RWDD2B: variants seen among roughly 807,000 people sequenced by gnomAD.
RWDD2B encodes RWD domain-containing protein 2B.
RWDD2B carries 36 observed loss-of-function variants against 33.6 expected under a neutral mutation model. The ratio of observed to expected loss-of-function variants is 1.07; its 90% CI spans 0.82 to 1.42. The LOEUF (loss-of-function observed/expected upper bound fraction) is 1.42, where lower values mean the gene tolerates loss of function less well. Ranked by LOEUF, RWDD2B falls within the 40% of genes most tolerant of loss-of-function variation. The pLI is 0.00. For missense variants in RWDD2B, 364 were observed against 377.5 expected (o/e 0.96, Z 0.30); for synonymous variants, 126 against 133.1 (o/e 0.95, Z 0.37).
rs2084842188 is a variant in RWDD2B at position 29,008,659 on chromosome 21, C to A, written c.68-38G>T. ...AGATAAGAGAGACAATTTACATATGCAATCTTGGAAGAAATGAATACATCA... is the reference window on the plus strand; with the variant it reads ...AGATAAGAGAGACAATTTACATATGAAATCTTGGAAGAAATGAATACATCA... On this transcript the variant is annotated intron_variant, in intron 1 of 4. Coordinates refer to ENST00000493196, the MANE Select transcript of RWDD2B (RefSeq NM_016940.3). 3.6e-6 allele frequency: 5 copies of A among 1,390,054 alleles called. No individual in the cohort carries two copies. In the African/African-American group the frequency reaches 5.7e-5, roughly 16 times the overall value. 86.1% of individuals were successfully genotyped at this position (1,390,054 alleles called of 1,614,324 possible). A position where few individuals can be genotyped will look rare whatever the true frequency, so the allele number is the denominator to read the frequency against.
At position 29,006,535 on chromosome 21, in the gene RWDD2B, A is replaced by G; in HGVS notation, c.842T>C (p.Val281Ala). 3 of 1,613,668 alleles carry G rather than the reference A, an allele frequency of 1.9e-6. No individual in the cohort carries two copies. The highest frequency in any genetic ancestry group is 1.7e-6 in the Non-Finnish European group (2 of 1,179,672). Residue 281 changes from valine (V) to alanine (A), a missense_variant, in exon 5 of 5, where the codon GTG becomes GCG. Coordinates refer to ENST00000493196, the MANE Select transcript of RWDD2B (RefSeq NM_016940.3). ...TCCCCTGGCTCCATTAACACTGAAC[A>G]CTTTTTCTTCAAAAATGGAAAATTT... ...QRKFSIFEEKVFSVNGARGNH... is the reference protein window; with the variant it reads ...QRKFSIFEEKAFSVNGARGNH...
In RWDD2B at chr21:29,007,795, C is replaced by CT; in HGVS notation, c.690dup (p.Gly231ArgfsTer7). Reference sequence around the variant, plus strand: ...AATTCTTCACAGGCACTTTGTGGGCCTTCCACACAAACAACACCAGGTTTT... The same window carrying CT: ...AATTCTTCACAGGCACTTTGTGGGCCTTTCCACACAAACAACACCAGGTTTT... On this transcript the variant is annotated frameshift_variant, in exon 4 of 5. Coordinates refer to ENST00000493196, the MANE Select transcript of RWDD2B (RefSeq NM_016940.3). LOFTEE classifies it high-confidence loss of function. 1 of 1,614,120 alleles carries CT rather than the reference C, an allele frequency of 6.2e-7. No homozygotes were observed. Among genetic ancestry groups the CT allele is most frequent in the Non-Finnish European group, 8.5e-7 (1 of 1,179,996 alleles).
At chr21:29,014,070 T>C (rs901870974) in intron 1 of RWDD2B, among the ~76,000 whole-genome samples, 3 of 152,218 alleles carry the variant, frequency 2.0e-5, no homozygotes, top group African/African-American at 7.2e-5. Flanking sequence ...TAGTTTACGA[T>C]GAAGAGAAAT....
intron 1 of RWDD2B, among the ~76,000 whole-genome samples, chr21:29,011,008 C>T (rs1186651021): frequency 6.6e-6 from 1 of 152,120 alleles, no homozygotes; most frequent in Non-Finnish European, 1.5e-5. Flanking sequence ...GGCGTGATCT[C>T]GGCTCGCTAC....
chr21:29,009,547 A>C (rs2084846641), intron 1 of RWDD2B: 1 of 151,924 alleles, frequency 6.6e-6, no homozygotes, highest in Admixed American at 6.6e-5. Flanking sequence ...GGCGCCCAAC[A>C]CCACACCCGG....
Position 29,008,129 on chromosome 21 carries a change from A to G in RWDD2B, c.363-6T>C. The G allele has an allele frequency of 6.2e-7, 1 of 1,611,054 alleles. No homozygotes were observed. The highest frequency in any genetic ancestry group is 8.5e-7 in the Non-Finnish European group (1 of 1,178,572). On this transcript the variant is annotated splice_polypyrimidine_tract_variant and splice_region_variant and intron_variant, in intron 3 of 4. Transcript: ENST00000493196. ...ATCTACTCAATAATACTGATCTAAT[A>G]GAAAAGATACAAGAAAAATATTGTC...
chr21:29,016,774 G>A (rs1012210052), intron 1 of RWDD2B, among the ~76,000 whole-genome samples: 1 of 152,032 alleles, frequency 6.6e-6, no homozygotes, highest in Admixed American at 6.6e-5. Context: ...GCCAAGGTGC[G>A]ACTCCTGGCT....
rs527534167 is a variant in RWDD2B at position 29,005,491 on chromosome 21, C to T, written c.*926G>A. ...GTGGCTTATGCCTGTAATCCAAGCA[C>T]ATTGGGAAGCCGAGGTGGGAGGATC... On this transcript the variant is annotated 3_prime_UTR_variant, in exon 5 of 5. Transcript: ENST00000493196. 2 of 152,304 alleles carry T rather than the reference C, an allele frequency of 1.3e-5. No homozygotes were observed. The highest frequency in any genetic ancestry group is 4.8e-5 in the African/African-American group (2 of 41,546). 9.4% of individuals were successfully genotyped at this position (152,304 alleles called of 1,614,324 possible).
intron 1 of RWDD2B, among the ~76,000 whole-genome samples, chr21:29,013,287 CTCT>C: frequency 6.6e-6 from 1 of 152,280 alleles, no homozygotes; most frequent in South Asian, 2.1e-4. Context: ...ATAGCCATCA[CTCT>C]TCTTTTCTAG....
At chr21:29,013,969 C>T (rs868219005) in intron 1 of RWDD2B, among the ~76,000 whole-genome samples, 45 of 152,234 alleles carry the variant, frequency 3.0e-4, no homozygotes, top group African/African-American at 1.1e-3. Context: ...TCTCGAGCCC[C>T]ATATTTGTAA....
chr21:29,007,381 T>A (rs959499182), intron 4 of RWDD2B, among the ~76,000 whole-genome samples: 1 of 152,220 alleles, frequency 6.6e-6, no homozygotes, highest in Non-Finnish European at 1.5e-5. Context: ...GACATACTTA[T>A]CTCCACATCT....
At chr21:29,011,259 T>C (rs1440828541) in intron 1 of RWDD2B, among the ~76,000 whole-genome samples, 1 of 150,506 alleles carries the variant, frequency 6.6e-6, no homozygotes, top group Non-Finnish European at 1.5e-5. Context: ...ATGTGGGAAG[T>C]GAGGAGCGTC....
chr21:29,007,278 A>G (rs1192888224), intron 4 of RWDD2B, among the ~76,000 whole-genome samples: 1 of 152,236 alleles, frequency 6.6e-6, no homozygotes, highest in Non-Finnish European at 1.5e-5. Flanking sequence ...TCCTACATGC[A>G]CTTGTCAGGT....
chr21:29,010,858 C>T (rs917163796), intron 1 of RWDD2B, among the ~76,000 whole-genome samples: 28 of 152,130 alleles, frequency 1.8e-4, no homozygotes, highest in African/African-American at 5.3e-4. Context: ...TTGGTGGAGA[C>T]GGGGTTTCGC....
Position 29,006,339 on chromosome 21 carries a change from A to T in RWDD2B, c.*78T>A. ...TCTAGAATGGAACTAAAATAAAATT[A>T]CTTAATCTTTCAAGAAAAAGTGGGA... On this transcript the variant is annotated 3_prime_UTR_variant, in exon 5 of 5. Transcript: ENST00000493196. The T allele has an allele frequency of 1.1e-6, 1 of 902,830 alleles. No homozygotes were observed. Among genetic ancestry groups the T allele is most frequent in the African/African-American group, 1.7e-5 (1 of 58,948 alleles). The allele number at this position is 902,830 out of a possible 1,614,324, so 55.9% of individuals were successfully genotyped here. A position where few individuals can be genotyped will look rare whatever the true frequency, so the allele number is the denominator to read the frequency against.
chr21:29,008,003 G>C lies in RWDD2B; in HGVS notation c.483C>G (p.His161Gln), dbSNP rs193177471. ...ILNATEWVRE[H>Q]ASGYVSRDTS... Reference sequence around the variant, plus strand: ...TATCTCTGCTGACATAGCCAGAGGCGTGTTCTCTAACCCACTCTGTGGCAT... The same window carrying C: ...TATCTCTGCTGACATAGCCAGAGGCCTGTTCTCTAACCCACTCTGTGGCAT... Residue 161 changes from histidine to glutamine, a missense_variant, in exon 4 of 5, where the codon CAC becomes CAG. Transcript: ENST00000493196. 6.2e-7 allele frequency: 1 copy of C among 1,614,108 alleles called. No homozygotes were observed. The highest frequency in any genetic ancestry group is 1.3e-5 in the African/African-American group (1 of 74,942).
chr21:29,012,578 G>C (rs1166592421), intron 1 of RWDD2B, among the ~76,000 whole-genome samples: 1 of 151,704 alleles, frequency 6.6e-6, no homozygotes, highest in Non-Finnish European at 1.5e-5. Context: ...AAGGCAGCAT[G>C]CTCCTTAAGA....
At chr21:29,013,781 G>A (rs2146339665) in intron 1 of RWDD2B, among the ~76,000 whole-genome samples, 1 of 151,240 alleles carries the variant, frequency 6.6e-6, no homozygotes, top group East Asian at 1.9e-4. Flanking sequence ...TTTTTTAATA[G>A]CTTTAATGAG....
chr21:29,007,637 T>C (rs2084834815), intron 4 of RWDD2B, 124 bp downstream of exon 4: 25 of 992,594 alleles, frequency 2.5e-5, no homozygotes, highest in Non-Finnish European at 3.4e-5. Context: ...CATTATAATC[T>C]TATGGCATCA....
Sources: allele counts gnomAD v4.1 joint callset (sites outside exome capture counted in the v4.1 genomes callset), GRCh38; gene constraint gnomAD v4.1.1; transcripts MANE v1.5; gene names NCBI Gene and HGNC (gene_info 2026-07-23, HGNC 2026-07-21).